The following GPHN variants were observed in gnomAD, a reference collection of about 807,000 sequenced individuals.
GPHN encodes gephyrin.
Under a neutral mutation model 95.5 loss-of-function variants are expected in GPHN, and 17 were observed. The observed-to-expected ratio is 0.18, with a 90% CI of 0.12 to 0.27. The LOEUF is 0.27. Among genes scored for constraint, GPHN ranks in the 10% least tolerant of loss-of-function variants. The pLI is 1.00. For synonymous variants in GPHN, 320 were observed against 322.5 expected, an observed-to-expected ratio of 0.99 and a Z score of 0.08; for missense variants, 660 against 978.1, an observed-to-expected ratio of 0.67 and a Z score of 4.34.
chr14:67,027,747 A>G (rs2153628983), intron 10 of GPHN, among the ~76,000 whole-genome samples: 1 of 152,224 alleles, frequency 6.6e-6, no homozygotes, highest in South Asian at 2.1e-4. Flanking sequence ...CAGAATTTTT[A>G]TTGATATATA....
At chr14:66,695,905 T>G (rs1331519696) in intron 2 of GPHN, among the ~76,000 whole-genome samples, 2 of 152,208 alleles carry the variant, frequency 1.3e-5, no homozygotes, top group Non-Finnish European at 2.9e-5. Flanking sequence ...GCAGTAAAAC[T>G]ACTCTGAATG....
chr14:66,905,209 G>A (rs1429692504), intron 5 of GPHN, among the ~76,000 whole-genome samples: 2 of 151,872 alleles, frequency 1.3e-5, no homozygotes, highest in East Asian at 3.9e-4. Context: ...TTCTACTGTT[G>A]AGAGCTTCTA....
Position 66,510,983 on chromosome 14 carries a change from T to C in GPHN, c.64+2392T>C, listed in dbSNP as rs76853555. Among the ~76,000 whole-genome samples the C allele has an allele frequency of 5.4e-3, 815 of 152,184 alleles. 3 individuals carry two copies. Among genetic ancestry groups the C allele is most frequent in the Non-Finnish European group, 9.7e-3 (660 of 67,966 alleles). Reference sequence around the variant, plus strand: ...AAGGAATGAAAAGGCAGCTACAGATTTGGAATAAGTGATAATAGAGGAAAA... The same window carrying C: ...AAGGAATGAAAAGGCAGCTACAGATCTGGAATAAGTGATAATAGAGGAAAA... On this transcript the variant is annotated intron_variant, in intron 1 of 22. Coordinates refer to ENST00000478722, the MANE Select transcript of GPHN (RefSeq NM_020806.5).
chr14:67,600,711 C>G, the GPHN span, among the ~76,000 whole-genome samples: 1 of 152,178 alleles, frequency 6.6e-6, no homozygotes, highest in African/African-American at 2.4e-5. Context: ...TCCTGAGTAG[C>G]TGGGATTACA....
intron 1 of GPHN, among the ~76,000 whole-genome samples, chr14:66,570,287 T>G (rs912251960): frequency 1.3e-5 from 2 of 149,584 alleles, no homozygotes; most frequent in Non-Finnish European, 3.0e-5. Flanking sequence ...ACATACTGAT[T>G]TCATGTACTT....
At chr14:66,989,961 G>A (rs2071293361) in intron 9 of GPHN, among the ~76,000 whole-genome samples, 1 of 152,106 alleles carries the variant, frequency 6.6e-6, no homozygotes, top group African/African-American at 2.4e-5. Context: ...AAGAACAAGT[G>A]TATTAGTCCA....
chr14:66,519,419 CCTAA>C (rs1453664569), intron 1 of GPHN, among the ~76,000 whole-genome samples: 1 of 151,842 alleles, frequency 6.6e-6, no homozygotes, highest in Non-Finnish European at 1.5e-5. Context: ...GACCACTGGC[CCTAA>C]CTAACCAGTG....
the GPHN span, chr14:67,570,113 A>C: frequency 2.4e-6 from 2 of 849,564 alleles, no homozygotes; most frequent in South Asian, 2.9e-5. Context: ...GCTTCTGCAC[A>C]TGGTGACCCT....
chr14:67,533,934 G>A, the GPHN span, among the ~76,000 whole-genome samples: 1 of 152,118 alleles, frequency 6.6e-6, no homozygotes, highest in Non-Finnish European at 1.5e-5. Context: ...GGAACCAGGG[G>A]CCTTAGTGGG....
At chr14:66,867,285 G>A (rs2063261576) in intron 4 of GPHN, among the ~76,000 whole-genome samples, 1 of 152,070 alleles carries the variant, frequency 6.6e-6, no homozygotes, top group African/African-American at 2.4e-5. Context: ...CCATTTGGTT[G>A]TATTATTATA....
chr14:67,441,103 G>A, the GPHN span, among the ~76,000 whole-genome samples: 16 of 152,286 alleles, frequency 1.1e-4, no homozygotes, highest in Non-Finnish European at 1.0e-4. Flanking sequence ...GGAGTAGAAT[G>A]CAACATTTAG....
intron 13 of GPHN, among the ~76,000 whole-genome samples, chr14:67,106,922 G>T (rs2078073958): frequency 6.6e-6 from 1 of 151,914 alleles, no homozygotes; most frequent in Non-Finnish European, 1.5e-5. Flanking sequence ...GTTGATCTGT[G>T]TGCCTAGTGG....
chr14:67,464,536 A>G, the GPHN span, among the ~76,000 whole-genome samples: 3 of 151,736 alleles, frequency 2.0e-5, no homozygotes, highest in Non-Finnish European at 4.4e-5. Flanking sequence ...CAGCAGCCAC[A>G]CCAGCCTTTT....
chr14:66,777,913 C>T (rs2059443579), intron 3 of GPHN, among the ~76,000 whole-genome samples: 1 of 151,996 alleles, frequency 6.6e-6, no homozygotes, highest in Admixed American at 6.5e-5. Flanking sequence ...AAAACTGGCA[C>T]AAGACAGGGA....
the GPHN span, chr14:67,690,956 G>T: frequency 3.4e-6 from 2 of 595,632 alleles, no homozygotes; most frequent in East Asian, 2.7e-5. Flanking sequence ...ATTAAAAAGC[G>T]GGCAGAACCT....
chr14:67,283,006 G>A, the GPHN span, among the ~76,000 whole-genome samples: 1 of 152,062 alleles, frequency 6.6e-6, no homozygotes, highest in Non-Finnish European at 1.5e-5. Context: ...TATCATATAT[G>A]TGACTATAAA....
chr14:67,003,937 G>A (rs1446914476), intron 9 of GPHN, among the ~76,000 whole-genome samples: 1 of 123,802 alleles, frequency 8.1e-6, no homozygotes, highest in Non-Finnish European at 1.5e-5. Flanking sequence ...TCTACTGCCG[G>A]GTCTGTGTCG....
chr14:67,356,364 T>C, the GPHN span, among the ~76,000 whole-genome samples: 1 of 150,730 alleles, frequency 6.6e-6, no homozygotes, highest in Non-Finnish European at 1.5e-5. Flanking sequence ...GAGGTTGCAG[T>C]GAGCCAAGAT....
chr14:67,349,007 C>A, the GPHN span: 1 of 1,602,072 alleles, frequency 6.2e-7, no homozygotes, highest in South Asian at 1.1e-5. Context: ...CTTTTCTCCC[C>A]AAAGGGTTTC....
Sources: allele counts gnomAD v4.1 joint callset (sites outside exome capture counted in the v4.1 genomes callset), GRCh38; gene constraint gnomAD v4.1.1; transcripts MANE v1.5; gene names NCBI Gene and HGNC (gene_info 2026-07-23, HGNC 2026-07-21).